C3orf49: variants seen among roughly 807,000 people sequenced by gnomAD.
The protein encoded by C3orf49 is putative uncharacterized protein C3orf49.
Under a neutral mutation model 13.3 loss-of-function variants are expected in C3orf49, and 27 were observed. The observed-to-expected ratio is 2.02, with a 90% CI of 1.49 to 2.79. The LOEUF is 2.79. C3orf49 is among the 30% of genes most tolerant of loss of function. The pLI, the probability that C3orf49 is intolerant of heterozygous loss-of-function variation, is 0.00. For synonymous variants in C3orf49, 87 were observed against 47.6 expected (o/e 1.83, Z -3.40); for missense variants, 242 against 134.2 (o/e 1.80, Z -3.97).
At position 63,838,445 on chromosome 3, in the gene C3orf49, C is replaced by T. The variant is rs1181892725; in HGVS notation, c.850-6578C>T. On this transcript the variant is annotated intron_variant, in intron 5 of 6. Transcript: ENST00000295896. ...TATCATATACTAGTAAAGTTTTGCC[C>T]ATTGAAAATTCACATTGAGACAGCG... 2.5e-6 allele frequency: 4 copies of T among 1,609,876 alleles called. No individual in the cohort carries two copies. Among genetic ancestry groups the T allele is most frequent in the Non-Finnish European group, 3.4e-6 (4 of 1,178,600 alleles).
rs187425745 is a variant in C3orf49 at position 63,841,451 on chromosome 3, C to T, written c.850-3572C>T. ...AGTGTGAATAATTCCTGGAGAGCCTCCATGCTGAATCAACAGCAAAATCTT... is the reference window on the plus strand; with the variant it reads ...AGTGTGAATAATTCCTGGAGAGCCTTCATGCTGAATCAACAGCAAAATCTT... On this transcript the variant is annotated intron_variant, in intron 5 of 6. Transcript: ENST00000295896. 2.0e-3 allele frequency among the ~76,000 whole-genome samples: 299 copies of T among 152,286 alleles called. 2 individuals carry two copies. The highest frequency in any genetic ancestry group is 6.9e-3 in the African/African-American group (285 of 41,558).
chr3:63,810,498 A>T, the C3orf49 span, among the ~76,000 whole-genome samples: 1 of 152,178 alleles, frequency 6.6e-6, no homozygotes, highest in African/African-American at 2.4e-5. Context: ...GAAGTATATC[A>T]AGCCTATTGA....
chr3:63,787,810 T>C, the C3orf49 span, among the ~76,000 whole-genome samples: 7 of 152,140 alleles, frequency 4.6e-5, no homozygotes, highest in Non-Finnish European at 8.8e-5. Context: ...AGCCACAAAA[T>C]AACAATGGCA....
the C3orf49 span, among the ~76,000 whole-genome samples, chr3:63,785,065 CTTTTTTTTTTT>C: frequency 1.2e-4 from 8 of 64,944 alleles, no homozygotes; most frequent in African/African-American, 5.4e-4. Context: ...TCTTCTTCTT[CTTTTTTTTTTT>C]TTTTTTTTTT....
At position 63,831,876 on chromosome 3, in the gene C3orf49, G is replaced by A. The variant is rs1238242170; in HGVS notation, c.849+32G>A. ...TTCCCATGTACCTGCTGCTGCTTCT[G>A]ACTTTGTTCCTGATTCTTTAAAAGT... On this transcript the variant is annotated intron_variant, in intron 5 of 6. Transcript: ENST00000295896. 4 of 690,396 alleles carry A rather than the reference G, an allele frequency of 5.8e-6. No individual in the cohort carries two copies. In the East Asian group the frequency reaches 8.1e-5, roughly 14 times the overall value. 42.8% of individuals were successfully genotyped at this position (690,396 alleles called of 1,614,324 possible).
chr3:63,798,411 T>C, the C3orf49 span, among the ~76,000 whole-genome samples: 1 of 152,246 alleles, frequency 6.6e-6, no homozygotes, highest in Non-Finnish European at 1.5e-5. Flanking sequence ...ATTCCTCCTC[T>C]ATAAATTAAA....
upstream of C3orf49, among the ~76,000 whole-genome samples, chr3:63,814,734 A>G (rs906370420): frequency 1.3e-5 from 2 of 152,124 alleles, no homozygotes; most frequent in Non-Finnish European, 2.9e-5. Flanking sequence ...CCTTCTCCTT[A>G]GTTCCACTGT....
upstream of C3orf49, among the ~76,000 whole-genome samples, chr3:63,819,037 C>A (rs1701361457): frequency 6.6e-6 from 1 of 152,200 alleles, no homozygotes; most frequent in Admixed American, 6.5e-5. Context: ...AGGTCCCTAC[C>A]ACTTCAGAGT....
intron 6 of C3orf49, among the ~76,000 whole-genome samples, chr3:63,847,711 T>C (rs1559606652): frequency 1.3e-5 from 2 of 151,948 alleles, no homozygotes; most frequent in African/African-American, 4.8e-5. Flanking sequence ...CACTCCAGTC[T>C]GGGCAACAGA....
chr3:63,835,105 C>T (rs1341428115), intron 5 of C3orf49: 4 of 1,572,688 alleles, frequency 2.5e-6, no homozygotes, highest in Middle Eastern at 1.7e-4. Context: ...ATCCCTGGGT[C>T]ATTTAAAAAA....
the C3orf49 span, among the ~76,000 whole-genome samples, chr3:63,796,509 G>T: frequency 6.6e-6 from 1 of 151,998 alleles, no homozygotes; most frequent in African/African-American, 2.4e-5. Flanking sequence ...CACTATCTTT[G>T]TGGTGCCTTC....
the C3orf49 span, among the ~76,000 whole-genome samples, chr3:63,811,120 T>C: frequency 6.6e-6 from 1 of 152,202 alleles, no homozygotes; most frequent in African/African-American, 2.4e-5. Flanking sequence ...AGTGCTGAGA[T>C]TGCAGGTGTG....
upstream of C3orf49, among the ~76,000 whole-genome samples, chr3:63,817,083 C>T (rs1371234146): frequency 3.3e-5 from 5 of 151,952 alleles, no homozygotes; most frequent in Non-Finnish European, 7.4e-5. Flanking sequence ...CGCTTTCTTC[C>T]ACATTTTCAA....
chr3:63,814,476 T>G (rs570226620), upstream of C3orf49, among the ~76,000 whole-genome samples: 257 of 152,106 alleles, frequency 1.7e-3, 1 homozygote, highest in South Asian at 8.1e-3. Context: ...TCAATAGGAG[T>G]CAACTGTTGT....
chr3:63,839,513 G>A (rs1701710521), intron 5 of C3orf49: 1 of 747,008 alleles, frequency 1.3e-6, no homozygotes, highest in African/African-American at 1.8e-5. Context: ...AAAAGGCCAA[G>A]AAAATCTACT....
chr3:63,798,022 T>C, the C3orf49 span, among the ~76,000 whole-genome samples: 1 of 152,196 alleles, frequency 6.6e-6, no homozygotes, highest in Non-Finnish European at 1.5e-5. Flanking sequence ...TAGCACAATC[T>C]TCCTACTCTG....
At chr3:63,781,549 G>A in the C3orf49 span, among the ~76,000 whole-genome samples, 1 of 152,164 alleles carries the variant, frequency 6.6e-6, no homozygotes, top group African/African-American at 2.4e-5. Flanking sequence ...TAGCTTGATG[G>A]GGATGGCATT....
At chr3:63,786,501 T>C in the C3orf49 span, among the ~76,000 whole-genome samples, 1 of 152,114 alleles carries the variant, frequency 6.6e-6, no homozygotes, top group African/African-American at 2.4e-5. Context: ...ATTTTGTTTG[T>C]TTGCTTGTTG....
chr3:63,780,681 C>T, the C3orf49 span, among the ~76,000 whole-genome samples: 1 of 152,324 alleles, frequency 6.6e-6, no homozygotes, highest in South Asian at 2.1e-4. Context: ...GATTGCCATT[C>T]TAACTGGTGT....
Sources: gnomAD v4.1 joint callset for allele counts (sites outside exome capture counted in the v4.1 genomes callset) on GRCh38, gnomAD v4.1.1 for gene constraint, MANE v1.5 for transcripts, NCBI Gene and HGNC (gene_info 2026-07-23, HGNC 2026-07-21) for gene names.